Variants in EPB41L4B observed in about 807,000 individuals in gnomAD.
EPB41L4B encodes the protein erythrocyte membrane protein band 4.1 like 4B, also known as band 4.1-like protein 4B.
In EPB41L4B, 30 loss-of-function variants were observed where a neutral mutation model predicts 112.5. That is an observed-to-expected ratio of 0.27 (90% CI 0.20 to 0.36). EPB41L4B has a LOEUF of 0.36. EPB41L4B is among the 10% of genes least tolerant of loss of function. The pLI, the probability that EPB41L4B is intolerant of heterozygous loss-of-function variation, is 1.00. For missense variants in EPB41L4B, 1,024 were observed against 1,133.3 expected, an observed-to-expected ratio of 0.90 and a Z score of 1.38; for synonymous variants, 408 against 439.7, an observed-to-expected ratio of 0.93 and a Z score of 0.90.
At chr9:109,308,984 G>A (rs1479228008) in intron 1 of EPB41L4B, among the ~76,000 whole-genome samples, 1 of 152,268 alleles carries the variant, frequency 6.6e-6, no homozygotes, top group African/African-American at 2.4e-5. Context: ...GCTGAGGCAG[G>A]AGAATCACTT....
chr9:109,307,363 G>A, intron 1 of EPB41L4B: 1 of 375,358 alleles, frequency 2.7e-6, no homozygotes, highest in Non-Finnish European at 5.2e-6. Flanking sequence ...AAATACCTCC[G>A]ACCTTAAATT....
intron 1 of EPB41L4B, among the ~76,000 whole-genome samples, chr9:109,286,539 G>A (rs914809899): frequency 6.6e-6 from 1 of 152,152 alleles, no homozygotes; most frequent in Non-Finnish European, 1.5e-5. Flanking sequence ...TGACGAGCCT[G>A]GAAAGCCATT....
chr9:109,262,439 T>G lies in EPB41L4B; in HGVS notation c.631+611A>C, dbSNP rs182855203. On this transcript the variant is annotated intron_variant, in intron 6 of 25. Coordinates refer to ENST00000374566, the MANE Select transcript of EPB41L4B (RefSeq NM_019114.5). ...TCCTTGTACTGCCAATGCTATTTCT[T>G]GGTGTGTGTGGGGGTGTGTGTGTGT... Among the ~76,000 whole-genome samples the G allele has an allele frequency of 7.0e-4, 61 of 87,056 alleles. No individual in the cohort carries two copies. The East Asian group carries it at 0.021, about 30-fold the overall frequency. The allele number at this position is 87,056 out of a possible 152,430, so 57.1% of individuals were successfully genotyped here. A position where few individuals can be genotyped will look rare whatever the true frequency, so the allele number is the denominator to read the frequency against.
At chr9:109,194,112 C>T (rs566836180) in intron 21 of EPB41L4B, 108 bp downstream of exon 21, 11 of 1,289,964 alleles carry the variant, frequency 8.5e-6, no homozygotes, top group Non-Finnish European at 1.2e-5. Flanking sequence ...TGAGTATACA[C>T]AATTGATTAT....
intron 1 of EPB41L4B, among the ~76,000 whole-genome samples, chr9:109,309,039 C>T (rs557592146): frequency 6.6e-6 from 1 of 152,066 alleles, no homozygotes; most frequent in South Asian, 2.1e-4. Flanking sequence ...TCACGCACTG[C>T]ACTCCAGCCT....
At chr9:109,312,546 T>G (rs912637511) in intron 1 of EPB41L4B, among the ~76,000 whole-genome samples, 2 of 152,080 alleles carry the variant, frequency 1.3e-5, no homozygotes, top group African/African-American at 4.8e-5. Context: ...TCAGAGACCT[T>G]CCCAGACCAC....
At chr9:109,234,004 A>G (rs1413535740) in intron 15 of EPB41L4B, among the ~76,000 whole-genome samples, 1 of 152,218 alleles carries the variant, frequency 6.6e-6, no homozygotes, top group African/African-American at 2.4e-5. Context: ...GAAAACATAT[A>G]ACAAACCGTC....
intron 22 of EPB41L4B, 31 bp from the exon 23 acceptor site, chr9:109,185,636 A>C: frequency 6.5e-7 from 1 of 1,545,486 alleles, no homozygotes; most frequent in Non-Finnish European, 8.8e-7. Flanking sequence ...GAAGGGGAGG[A>C]GGAGGTGGCA....
chr9:109,300,197 A>T (rs1588226578), intron 1 of EPB41L4B: 1 of 152,386 alleles, frequency 6.6e-6, no homozygotes, highest in East Asian at 1.9e-4. Context: ...AGAATACCCA[A>T]GTCCAGCGAT....
At chr9:109,281,817 C>T (rs1427748440) in intron 1 of EPB41L4B, among the ~76,000 whole-genome samples, 1 of 152,036 alleles carries the variant, frequency 6.6e-6, no homozygotes, top group Non-Finnish European at 1.5e-5. Flanking sequence ...TGTGCAGCTG[C>T]TCTGGAAAAT....
At chr9:109,235,358 A>C (rs1834101494) in intron 15 of EPB41L4B, among the ~76,000 whole-genome samples, 1 of 148,538 alleles carries the variant, frequency 6.7e-6, no homozygotes, top group African/African-American at 2.5e-5. Context: ...TCAAACCATC[A>C]ATCTATTAGA....
chr9:109,180,219 G>A (rs1226129455), intron 24 of EPB41L4B, among the ~76,000 whole-genome samples: 1 of 152,220 alleles, frequency 6.6e-6, no homozygotes, highest in Non-Finnish European at 1.5e-5. Context: ...TGCTCCAGCT[G>A]TCTTCGAGCC....
chr9:109,232,832 C>T (rs534560437), intron 15 of EPB41L4B, among the ~76,000 whole-genome samples: 6 of 152,266 alleles, frequency 3.9e-5, no homozygotes, highest in South Asian at 2.1e-4. Flanking sequence ...TAAAAATTTC[C>T]GCAAATGATC....
At chr9:109,195,042 T>G (rs188377347) in intron 20 of EPB41L4B, among the ~76,000 whole-genome samples, 127 of 152,380 alleles carry the variant, frequency 8.3e-4, no homozygotes, top group African/African-American at 3.0e-3. Context: ...CATCTGTTGA[T>G]GGACACTTGG....
chr9:109,313,714 G>A (rs1374627940), intron 1 of EPB41L4B, among the ~76,000 whole-genome samples: 2 of 152,144 alleles, frequency 1.3e-5, no homozygotes, highest in Non-Finnish European at 2.9e-5. Flanking sequence ...AAGCACTGGG[G>A]GCTCCCCACC....
Position 109,174,352 on chromosome 9 carries a change from T to G in EPB41L4B, c.*202A>C, listed in dbSNP as rs933287842. The G allele has an allele frequency of 7.2e-6, 4 of 552,364 alleles. No homozygotes were observed. The highest frequency in any genetic ancestry group is 6.0e-5 in the Admixed American group (2 of 33,200). 34.2% of individuals were successfully genotyped at this position (552,364 alleles called of 1,614,324 possible). On this transcript the variant is annotated 3_prime_UTR_variant, in exon 26 of 26. Transcript: ENST00000374566. ...CAAATCCTGTCTCAACTACATAGAG[T>G]AATAGAAAAACTCTAATGCTTAGGA... is the stretch of plus-strand genomic sequence containing the variant.
At chr9:109,219,883 T>C (rs754155386) in intron 15 of EPB41L4B, among the ~76,000 whole-genome samples, 1 of 152,060 alleles carries the variant, frequency 6.6e-6, no homozygotes, top group Admixed American at 6.6e-5. Flanking sequence ...GTAAGGATGA[T>C]GGAAGTTAGG....
At chr9:109,192,184 T>TGG in intron 22 of EPB41L4B, 94 bp downstream of exon 22, 1 of 999,722 alleles carries the variant, frequency 1.0e-6, no homozygotes, top group East Asian at 2.5e-5. Flanking sequence ...AAGAGGCTCC[T>TGG]CAACAGCAAT....
rs1564306955 is a variant in EPB41L4B at position 109,267,525 on chromosome 9, G to A, written c.481C>T (p.Arg161Ter). The A allele has an allele frequency of 1.9e-6, 3 of 1,613,208 alleles. No homozygotes were observed. The highest frequency in any genetic ancestry group is 1.7e-5 in the Admixed American group (1 of 59,996). The change falls in exon 4 of 26, where the codon CGA (arginine) becomes TGA (stop). Residue 161 changes from arginine (R) to a stop codon, truncating the protein, a stop_gained. Transcript: ENST00000374566. LOFTEE classifies it high-confidence loss of function. ...KIGPAYALHFRVKYYSSEPNN... is the reference protein window; with the variant it reads ...KIGPAYALHF ...GGTTCTGAAGAATAGTATTTAACTC[G>A]AAAGTGTAAAGCATAAGCAGGTCCA... is the stretch of plus-strand genomic sequence containing the variant.
Sources: gnomAD v4.1 joint callset for allele counts (sites outside exome capture counted in the v4.1 genomes callset) on GRCh38, gnomAD v4.1.1 for gene constraint, MANE v1.5 for transcripts, NCBI Gene and HGNC (gene_info 2026-07-23, HGNC 2026-07-21) for gene names.